Variants in UBN2 observed in about 807,000 individuals in gnomAD.
UBN2 encodes the protein ubinuclein 2, also known as ubinuclein-2.
Under a neutral mutation model 120.2 loss-of-function variants are expected in UBN2, and 35 were observed. The observed-to-expected ratio is 0.29, with a 90% confidence interval of 0.22 to 0.39. The LOEUF (loss-of-function observed/expected upper bound fraction) is 0.39. UBN2 is among the 10% of genes least tolerant of loss of function. UBN2 has a pLI of 1.00. For missense variants in UBN2, 1,693 were observed against 1,663.2 expected, an observed-to-expected ratio of 1.02 and a Z score of -0.31; for synonymous variants, 661 against 648.7, an observed-to-expected ratio of 1.02 and a Z score of -0.29.
chr7:139,288,459 G>A (rs1797852009), intron 15 of UBN2, among the ~76,000 whole-genome samples: 1 of 152,144 alleles, frequency 6.6e-6, no homozygotes, highest in African/African-American at 2.4e-5. Flanking sequence ...TGAAGTGAAG[G>A]CCTGCATGGC....
chr7:139,237,809 A>G (rs1025481787), intron 2 of UBN2, among the ~76,000 whole-genome samples: 1 of 152,062 alleles, frequency 6.6e-6, no homozygotes, highest in African/African-American at 2.4e-5. Flanking sequence ...TTCCTTTGGT[A>G]TAGTAGTTCT....
Position 139,259,340 on chromosome 7 carries a change from A to C in UBN2, c.875A>C (p.Lys292Thr), listed in dbSNP as rs1796861303. Residue 292 changes from lysine to threonine, a missense_variant, in exon 5 of 18, where the codon AAG (lysine) becomes ACG (threonine). Physicochemically the swap from Lys to Thr is moderately conservative, Grantham distance 78. Transcript: ENST00000473989. Reference protein sequence around the residue: ...KRKEEGEKEKKPRKKVPKQLG... With the variant: ...KRKEEGEKEKTPRKKVPKQLG... ...AAAGAGGAAGGGGAAAAGGAGAAGA[A>C]GCCAAGGAAAAAAGTTCCCAAACAA... 3 of 1,613,904 alleles carry C rather than the reference A, an allele frequency of 1.9e-6. No individual in the cohort carries two copies. The highest frequency in any genetic ancestry group is 2.5e-6 in the Non-Finnish European group (3 of 1,179,974).
chr7:139,264,217 C>T (rs751103669), intron 6 of UBN2, among the ~76,000 whole-genome samples: 43 of 152,292 alleles, frequency 2.8e-4, no homozygotes, highest in Non-Finnish European at 5.3e-4. Flanking sequence ...TATTACTTTA[C>T]TTATTCACTA....
At chr7:139,317,423 T>G in the UBN2 span, among the ~76,000 whole-genome samples, 1 of 151,762 alleles carries the variant, frequency 6.6e-6, no homozygotes, top group African/African-American at 2.4e-5. Context: ...CGTTTTTTCT[T>G]TTTTTTTGGC....
In UBN2 at chr7:139,284,148, A is replaced by C. The variant is rs755350641; in HGVS notation, c.3243A>C (p.Pro1081=). ...CTAAACTTATTTCTAAATCCAACCCAACTCCCAAGCCTACTGTATCCCCAA... is the reference window on the plus strand; with the variant it reads ...CTAAACTTATTTCTAAATCCAACCCCACTCCCAAGCCTACTGTATCCCCAA... ...VSTKLISKSN[P]TPKPTVSPSS... is the part of the protein sequence containing the mutation. Residue 1081 remains proline (P), a synonymous_variant, in exon 15 of 18, where the codon CCA becomes CCC. Coordinates refer to ENST00000473989, the MANE Select transcript of UBN2 (RefSeq NM_173569.4). 1 of 1,613,936 alleles carries C rather than the reference A, an allele frequency of 6.2e-7. No homozygotes were observed. Among genetic ancestry groups the C allele is most frequent in the Non-Finnish European group, 8.5e-7 (1 of 1,179,984 alleles).
downstream of UBN2, among the ~76,000 whole-genome samples, chr7:139,308,584 A>G (rs554626533): frequency 6.6e-6 from 1 of 152,166 alleles, no homozygotes; most frequent in Non-Finnish European, 1.5e-5. Flanking sequence ...GAATTTGGCC[A>G]AATCAGGAAG....
the UBN2 span, among the ~76,000 whole-genome samples, chr7:139,322,978 C>G: frequency 6.6e-6 from 1 of 152,350 alleles, no homozygotes; most frequent in East Asian, 1.9e-4. Context: ...GAATCACTCA[C>G]TCTCTCCTTG....
intron 9 of UBN2, among the ~76,000 whole-genome samples, chr7:139,272,806 C>T (rs779500916): frequency 5.9e-5 from 9 of 152,156 alleles, no homozygotes; most frequent in Non-Finnish European, 1.3e-4. Context: ...GGATTACAGG[C>T]GTGGGCCACT....
intron 15 of UBN2, among the ~76,000 whole-genome samples, chr7:139,290,994 T>G (rs1308420390): frequency 6.6e-6 from 1 of 152,208 alleles, no homozygotes; most frequent in East Asian, 1.9e-4. Context: ...CATTGATACA[T>G]GTAATAAAAC....
At chr7:139,324,428 C>A in the UBN2 span, among the ~76,000 whole-genome samples, 1 of 151,740 alleles carries the variant, frequency 6.6e-6, no homozygotes, top group African/African-American at 2.4e-5. Context: ...CAGTGGCAGG[C>A]CCCTGTAGTC....
intron 12 of UBN2, among the ~76,000 whole-genome samples, chr7:139,278,862 A>G (rs557469824): frequency 6.6e-6 from 1 of 152,144 alleles, no homozygotes; most frequent in South Asian, 2.1e-4. Flanking sequence ...TCAAGATTCC[A>G]TAGTAATTTT....
chr7:139,275,000 C>T (rs139907618), intron 11 of UBN2, among the ~76,000 whole-genome samples: 2 of 151,540 alleles, frequency 1.3e-5, no homozygotes, highest in Non-Finnish European at 2.9e-5. Flanking sequence ...GAATGTGGCC[C>T]GTTGCGGTGG....
the UBN2 span, among the ~76,000 whole-genome samples, chr7:139,316,629 A>T: frequency 6.6e-6 from 1 of 152,102 alleles, no homozygotes; most frequent in Non-Finnish European, 1.5e-5. Context: ...CTGTAATCTC[A>T]GTTACTCGGG....
At chr7:139,255,562 A>T (rs1796738993) in intron 3 of UBN2, among the ~76,000 whole-genome samples, 1 of 152,218 alleles carries the variant, frequency 6.6e-6, no homozygotes, top group South Asian at 2.1e-4. Flanking sequence ...ATAAGAAGAA[A>T]TTGAACTGAA....
At chr7:139,295,215 A>T (rs1798074837) in intron 17 of UBN2, among the ~76,000 whole-genome samples, 2 of 152,026 alleles carry the variant, frequency 1.3e-5, no homozygotes. Flanking sequence ...CCTCTGAAAG[A>T]CCTAAGTGGT....
At chr7:139,267,954 C>A (rs17160838) in intron 7 of UBN2, among the ~76,000 whole-genome samples, 24,472 of 152,194 alleles carry the variant, frequency 0.16, 2,216 homozygotes, top group East Asian at 0.25. Flanking sequence ...CAGAGCTGTC[C>A]CAGATTCCAT....
At position 139,276,115 on chromosome 7, in the gene UBN2, C is replaced by A; in HGVS notation, c.1992C>A (p.Ser664Arg). ...TTTCCAGAATGCTTTTTAAGGAAAG[C>A]CGGAGTGTTCATAATCATCTTACTT... ...WMQARMLFKESRSVHNHLTSA... is the reference protein window; with the variant it reads ...WMQARMLFKERRSVHNHLTSA... Residue 664 changes from serine to arginine, a missense_variant, in exon 12 of 18, where the codon AGC (serine) becomes AGA (arginine). By Grantham distance (110) the Ser-to-Arg change is moderately radical. This residue lies in a region of UBN2 where 837 missense variants were observed against 817.6 expected (regional missense o/e 1.02). Coordinates refer to ENST00000473989, the MANE Select transcript of UBN2 (RefSeq NM_173569.4). The A allele has an allele frequency of 6.2e-7, 1 of 1,613,252 alleles. No homozygotes were observed. Among genetic ancestry groups the A allele is most frequent in the Non-Finnish European group, 8.5e-7 (1 of 1,179,776 alleles).
At position 139,283,015 on chromosome 7, in the gene UBN2, T is replaced by G. The variant is rs1235481620; in HGVS notation, c.2119-9T>G. On this transcript the variant is annotated splice_polypyrimidine_tract_variant and intron_variant, in intron 14 of 17. Transcript: ENST00000473989. Reference sequence around the variant, plus strand: ...TTTCTATTTTTTTCCATATGATGCTTTACATTAGGAGTGTAGTCCAAAAAA... The same window carrying G: ...TTTCTATTTTTTTCCATATGATGCTGTACATTAGGAGTGTAGTCCAAAAAA... 5.3e-6 allele frequency: 8 copies of G among 1,522,784 alleles called. No homozygotes were observed. The highest frequency in any genetic ancestry group is 7.0e-6 in the Non-Finnish European group (8 of 1,135,520). 94.3% of individuals were successfully genotyped at this position (1,522,784 alleles called of 1,614,324 possible).
At chr7:139,255,002 C>T (rs1187792914) in intron 3 of UBN2, among the ~76,000 whole-genome samples, 1 of 152,152 alleles carries the variant, frequency 6.6e-6, no homozygotes, top group East Asian at 1.9e-4. Context: ...GGGTTGTACA[C>T]TTTGTGGGTT....
Sources: allele counts gnomAD v4.1 joint callset (sites outside exome capture counted in the v4.1 genomes callset), GRCh38; gene constraint gnomAD v4.1.1; regional missense constraint gnomAD v4.1.1; transcripts MANE v1.5; gene names NCBI Gene and HGNC (gene_info 2026-07-23, HGNC 2026-07-21).